OPCML: variants seen among roughly 807,000 people sequenced by gnomAD.
OPCML encodes the protein opioid binding protein/cell adhesion molecule like.
OPCML carries 13 observed loss-of-function variants against 37.8 expected under a neutral mutation model. The ratio of observed to expected loss-of-function variants is 0.34; its 90% CI spans 0.22 to 0.55. OPCML has a LOEUF of 0.55. Ranked by LOEUF, OPCML falls within the 20% of genes least tolerant of loss-of-function variation. The pLI, the probability that OPCML is intolerant of heterozygous loss-of-function variation, is 0.91. For missense variants in OPCML, 341 were observed against 435.6 expected, an observed-to-expected ratio of 0.78 and a Z score of 1.93; for synonymous variants, 176 against 168.8, an observed-to-expected ratio of 1.04 and a Z score of -0.33.
chr11:132,751,850 A>G (rs559949918), intron 2 of OPCML, among the ~76,000 whole-genome samples: 12 of 152,358 alleles, frequency 7.9e-5, no homozygotes, highest in Admixed American at 4.6e-4. Context: ...GAATTGCTTA[A>G]GGTGGAGAGT....
intron 1 of OPCML, among the ~76,000 whole-genome samples, chr11:132,945,705 A>C (rs2136685597): frequency 6.6e-6 from 1 of 151,826 alleles, no homozygotes; most frequent in South Asian, 2.1e-4. Context: ...TGATAACATT[A>C]GCTTAAAACA....
intron 4 of OPCML, among the ~76,000 whole-genome samples, chr11:132,443,466 C>T (rs545120036): frequency 1.5e-4 from 23 of 152,276 alleles, no homozygotes; most frequent in Non-Finnish European, 2.6e-4. Context: ...CTATTACAGA[C>T]GATCCTGATC....
At chr11:133,220,923 T>C (rs1053003339) in intron 1 of OPCML, among the ~76,000 whole-genome samples, 2 of 152,174 alleles carry the variant, frequency 1.3e-5, no homozygotes, top group African/African-American at 4.8e-5. Flanking sequence ...CAGTGGTGCG[T>C]CACTGACTCG....
chr11:132,931,022 T>G lies in OPCML; in HGVS notation c.146+11904A>C, dbSNP rs147106717. ...CAGAAATAAGCCCTTGAATACATGC[T>G]CAAATTACTTTTAACAAGGATACCA... On this transcript the variant is annotated intron_variant, in intron 2 of 7. Coordinates refer to ENST00000524381, the MANE Select transcript of OPCML (RefSeq NM_001012393.5). Among the ~76,000 whole-genome samples, 25 of 152,142 alleles carry G rather than the reference T, an allele frequency of 1.6e-4. No homozygotes were observed. The East Asian group carries it at 4.8e-3, about 29-fold the overall frequency.
At chr11:132,861,081 C>G (rs1043333938) in intron 2 of OPCML, among the ~76,000 whole-genome samples, 19 of 152,340 alleles carry the variant, frequency 1.2e-4, no homozygotes, top group African/African-American at 4.3e-4. Context: ...AACTGTCTCC[C>G]AAAGTAGATA....
rs79290997 is a variant in OPCML, at chr11:133,008,180, T to C, written c.62-65170A>G. On this transcript the variant is annotated intron_variant, in intron 1 of 7. Transcript: ENST00000524381. ...AATAACATCAGTGACCAAGAACCCT[T>C]GGGTCATTCCATTGGCTACAGAATT... is the stretch of plus-strand genomic sequence containing the variant. The C allele has an allele frequency of 7.6e-4, 752 of 985,432 alleles. 3 individuals carry two copies. The African/African-American group carries it at 0.012, about 16-fold the overall frequency. The allele number at this position is 985,432 out of a possible 1,614,324, so 61.0% of individuals were successfully genotyped here. A position where few individuals can be genotyped will look rare whatever the true frequency, so the allele number is the denominator to read the frequency against.
At chr11:133,161,985 CTT>C (rs553617547) in intron 1 of OPCML, among the ~76,000 whole-genome samples, 94 of 85,478 alleles carry the variant, frequency 1.1e-3, no homozygotes, top group African/African-American at 2.2e-3. Flanking sequence ...CAGTCTCTGT[CTT>C]TTTTTTTTTT....
chr11:132,556,975 G>C (rs1026608814), intron 3 of OPCML, among the ~76,000 whole-genome samples: 4 of 152,174 alleles, frequency 2.6e-5, no homozygotes, highest in Non-Finnish European at 5.9e-5. Context: ...CACAAAATAT[G>C]TGTGTACTTA....
At chr11:133,531,729 G>T (rs1237670383) in intron 1 of OPCML, among the ~76,000 whole-genome samples, 1 of 149,096 alleles carries the variant, frequency 6.7e-6, no homozygotes, top group East Asian at 2.0e-4. Context: ...GAGGAGAGTG[G>T]GGAGAGGTGG....
chr11:132,425,163 A>G (rs2095973979), intron 7 of OPCML, among the ~76,000 whole-genome samples: 1 of 152,232 alleles, frequency 6.6e-6, no homozygotes, highest in Non-Finnish European at 1.5e-5. Flanking sequence ...CTCTGCTTTC[A>G]CAAAGAAAGA....
rs112186615 is a variant in OPCML, at chr11:133,124,905, C to G, written c.62-181895G>C. Among the ~76,000 whole-genome samples, 347 of 152,290 alleles carry G rather than the reference C, an allele frequency of 2.3e-3. 2 individuals are homozygous for G. The highest frequency in any genetic ancestry group is 5.2e-3 in the Admixed American group (80 of 15,302). On this transcript the variant is annotated intron_variant, in intron 1 of 7. Transcript: ENST00000524381. ...ATGGAGAGACCTAAGGAAGAGAGGT[C>G]TTCCCAGTGGACACCCAATGAGGAG...
chr11:133,497,211 A>T (rs1947805295), intron 1 of OPCML, among the ~76,000 whole-genome samples: 1 of 151,894 alleles, frequency 6.6e-6, no homozygotes, highest in African/African-American at 2.4e-5. Context: ...ATATTTTCTT[A>T]TTCTTTTTTC....
intron 1 of OPCML, among the ~76,000 whole-genome samples, chr11:133,054,799 A>G (rs547582248): frequency 6.6e-6 from 1 of 152,072 alleles, no homozygotes. Context: ...CCTTTACTAT[A>G]CAATGCTGCC....
intron 1 of OPCML, among the ~76,000 whole-genome samples, chr11:133,051,817 T>C (rs1948136739): frequency 6.6e-6 from 1 of 152,192 alleles, no homozygotes; most frequent in African/African-American, 2.4e-5. Flanking sequence ...GGTGTTCCTC[T>C]CTCCACCGCC....
chr11:132,801,620 G>A (rs2136203755), intron 2 of OPCML, among the ~76,000 whole-genome samples: 1 of 152,298 alleles, frequency 6.6e-6, no homozygotes, highest in South Asian at 2.1e-4. Context: ...AGAAATCTCT[G>A]AAACTATTAT....
intron 4 of OPCML, among the ~76,000 whole-genome samples, chr11:132,496,424 T>G (rs1031691680): frequency 6.6e-6 from 1 of 152,234 alleles, no homozygotes; most frequent in African/African-American, 2.4e-5. Flanking sequence ...TTTCTGAAAT[T>G]ACTTCTAATG....
intron 1 of OPCML, among the ~76,000 whole-genome samples, chr11:133,225,615 G>A (rs2136373830): frequency 6.6e-6 from 1 of 152,336 alleles, no homozygotes; most frequent in Non-Finnish European, 1.5e-5. Context: ...GATGCCTCTA[G>A]AGATCATCTA....
chr11:132,834,280 T>G (rs1940881213), intron 2 of OPCML, among the ~76,000 whole-genome samples: 1 of 152,164 alleles, frequency 6.6e-6, no homozygotes, highest in Admixed American at 6.5e-5. Flanking sequence ...TTGTTAAAAT[T>G]TTACCAGTGC....
At chr11:133,106,180 C>A (rs975811903) in intron 1 of OPCML, among the ~76,000 whole-genome samples, 1 of 152,168 alleles carries the variant, frequency 6.6e-6, no homozygotes, top group Non-Finnish European at 1.5e-5. Context: ...TATACCCTCT[C>A]ACCCATTTAA....
Sources: allele counts gnomAD v4.1 joint callset (sites outside exome capture counted in the v4.1 genomes callset), GRCh38; gene constraint gnomAD v4.1.1; transcripts MANE v1.5; gene names NCBI Gene and HGNC (gene_info 2026-07-23, HGNC 2026-07-21).